C1orf159: variants seen among roughly 807,000 people sequenced by gnomAD.
C1orf159 encodes chromosome 1 open reading frame 159.
Under a neutral mutation model 25.6 loss-of-function variants are expected in C1orf159, and 19 were observed. That is an observed-to-expected ratio of 0.74 (90% confidence interval 0.52 to 1.09). The LOEUF (loss-of-function observed/expected upper bound fraction) is 1.09, where lower values mean the gene tolerates loss of function less well. Ranked by LOEUF, C1orf159 falls within the 50% of genes least tolerant of loss-of-function variation. The pLI, the probability that C1orf159 is intolerant of heterozygous loss-of-function variation, is 0.00. For missense variants in C1orf159, 274 were observed against 290.6 expected (o/e 0.94, Z 0.42); for synonymous variants, 139 against 124.7 (o/e 1.12, Z -0.77).
At chr1:1,102,360 TC>T (rs1462171322) in intron 1 of C1orf159, among the ~76,000 whole-genome samples, 1 of 150,906 alleles carries the variant, frequency 6.6e-6, no homozygotes, top group Non-Finnish European at 1.5e-5. Flanking sequence ...TGTTTTATTT[TC>T]CTCCAATCAC....
Position 1,082,799 on chromosome 1 carries a change from G to T in C1orf159, c.*94C>A. On this transcript the variant is annotated 3_prime_UTR_variant, in exon 10 of 10. Transcript: ENST00000421241. ...GGCTGTGCCCAGGACTGTCCCGGGCGCCGGGCGATGCCAACACTTTGTGCT... is the reference window on the plus strand; with the variant it reads ...GGCTGTGCCCAGGACTGTCCCGGGCTCCGGGCGATGCCAACACTTTGTGCT... 2 of 1,156,358 alleles carry T rather than the reference G, an allele frequency of 1.7e-6. No individual in the cohort carries two copies. The highest frequency in any genetic ancestry group is 2.5e-6 in the Non-Finnish European group (2 of 790,864). The allele number at this position is 1,156,358 out of a possible 1,614,324, so 71.6% of individuals were successfully genotyped here.
intron 1 of C1orf159, among the ~76,000 whole-genome samples, chr1:1,098,604 G>A (rs966807596): frequency 6.6e-6 from 1 of 152,062 alleles, no homozygotes; most frequent in Non-Finnish European, 1.5e-5. Flanking sequence ...TGTGCACTTA[G>A]GAGTATTGGC....
chr1:1,100,413 TTGTGCCTCCCCGC>T (rs1557431115), intron 1 of C1orf159, among the ~76,000 whole-genome samples: 1 of 152,068 alleles, frequency 6.6e-6, no homozygotes, highest in African/African-American at 2.4e-5. Context: ...GTACAAGGAG[TTGTGCCTCCCCGC>T]TGTGCCCACC....
chr1:1,086,761 AGT>A (rs1474657956), intron 6 of C1orf159, among the ~76,000 whole-genome samples: 2 of 151,934 alleles, frequency 1.3e-5, no homozygotes, highest in Non-Finnish European at 2.9e-5. Context: ...TGAACCTGAG[AGT>A]GTGTGGTGTC....
intron 1 of C1orf159, among the ~76,000 whole-genome samples, chr1:1,107,148 C>A (rs950690138): frequency 6.6e-6 from 1 of 152,264 alleles, no homozygotes; most frequent in Admixed American, 6.5e-5. Context: ...AGGAGTGTAG[C>A]GCACGGCACT....
In C1orf159 at chr1:1,082,429, G is replaced by T. The variant is rs1645756814; in HGVS notation, c.*464C>A. On this transcript the variant is annotated 3_prime_UTR_variant, in exon 10 of 10. Coordinates refer to ENST00000421241, the MANE Select transcript of C1orf159 (RefSeq NM_017891.5). Reference sequence around the variant, plus strand: ...CGGGCACCGGCTGGAACGGCACGAGGACCAGCCTCACTGTTCTCAGAGGGG... The same window carrying T: ...CGGGCACCGGCTGGAACGGCACGAGTACCAGCCTCACTGTTCTCAGAGGGG... The T allele has an allele frequency of 5.4e-6, 1 of 183,560 alleles. No homozygotes were observed. The highest frequency in any genetic ancestry group is 9.9e-5 in the South Asian group (1 of 10,144). 11.4% of individuals were successfully genotyped at this position (183,560 alleles called of 1,614,324 possible). A position where few individuals can be genotyped will look rare whatever the true frequency, so the allele number is the denominator to read the frequency against.
intron 4 of C1orf159, among the ~76,000 whole-genome samples, chr1:1,090,042 G>A (rs1165453153): frequency 2.0e-5 from 3 of 152,210 alleles, no homozygotes; most frequent in African/African-American, 4.8e-5. Flanking sequence ...GGACAGCCCC[G>A]TGAGAATGGC....
intron 1 of C1orf159, among the ~76,000 whole-genome samples, chr1:1,093,424 G>C (rs1197637854): frequency 1.3e-5 from 2 of 152,222 alleles, no homozygotes; most frequent in Non-Finnish European, 1.5e-5. Context: ...TACACAAGCG[G>C]GTGAGTGTGA....
chr1:1,095,654 A>C (rs940534708), intron 1 of C1orf159, among the ~76,000 whole-genome samples: 5 of 152,138 alleles, frequency 3.3e-5, no homozygotes, highest in Non-Finnish European at 2.9e-5. Context: ...TGTGACTTCA[A>C]TTTGCCTTTT....
Position 1,087,709 on chromosome 1 carries a change from A to G in C1orf159, c.149-112T>C. The G allele has an allele frequency of 1.2e-6, 1 of 823,524 alleles. No individual in the cohort carries two copies. Among genetic ancestry groups the G allele is most frequent in the Non-Finnish European group, 1.9e-6 (1 of 522,976 alleles). The allele number at this position is 823,524 out of a possible 1,614,324, so 51.0% of individuals were successfully genotyped here. On this transcript the variant is annotated intron_variant, in intron 4 of 9. Coordinates refer to ENST00000421241, the MANE Select transcript of C1orf159 (RefSeq NM_017891.5). This position sits in a 1 kb window ranked among gnomAD's most constrained non-coding sequence, Gnocchi z 8.3. ...TGAGATAACTTTCATTCCAGATACT[A>G]ACATGCTCTGGAGGGTAGGTGGGCG... is the stretch of plus-strand genomic sequence containing the variant.
In C1orf159 at chr1:1,086,125, C is replaced by T. The variant is rs1054729535; in HGVS notation, c.311-113G>A. 13 of 1,321,830 alleles carry T rather than the reference C, an allele frequency of 9.8e-6. No individual in the cohort carries two copies. In the African/African-American group the frequency reaches 1.9e-4, roughly 19 times the overall value. 81.9% of individuals were successfully genotyped at this position (1,321,830 alleles called of 1,614,324 possible). ...CGCTGCTCTCTGAACATGCCTGAGC[C>T]TCACGGGACCGGCTGTGGGTGCCGA... On this transcript the variant is annotated intron_variant, in intron 6 of 9. Coordinates refer to ENST00000421241, the MANE Select transcript of C1orf159 (RefSeq NM_017891.5).
Position 1,089,024 on chromosome 1 carries a change from C to T in C1orf159, c.148+1329G>A, listed in dbSNP as rs1645882419. On this transcript the variant is annotated intron_variant, in intron 4 of 9. Coordinates refer to ENST00000421241, the MANE Select transcript of C1orf159 (RefSeq NM_017891.5). This position sits in a 1 kb window ranked among gnomAD's most constrained non-coding sequence, Gnocchi z 7.5. ...AGTCTCTGCCCCGGAGGCCGAAGAA[C>T]GGAGTCCACGGCAGGGAGCCAAACA... Among the ~76,000 whole-genome samples, 1 of 152,242 alleles carries T rather than the reference C, an allele frequency of 6.6e-6. No homozygotes were observed. The highest frequency in any genetic ancestry group is 6.5e-5 in the Admixed American group (1 of 15,288).
At chr1:1,114,207 C>T (rs1646302562) in intron 1 of C1orf159, among the ~76,000 whole-genome samples, 2 of 152,138 alleles carry the variant, frequency 1.3e-5, no homozygotes, top group South Asian at 4.1e-4. Context: ...CAGGTGTGAG[C>T]CACCGCGCAC....
intron 4 of C1orf159, among the ~76,000 whole-genome samples, chr1:1,088,670 G>C (rs1218360423): frequency 1.3e-5 from 2 of 152,078 alleles, no homozygotes; most frequent in African/African-American, 4.8e-5. Context: ...ACTCAGCCCA[G>C]AGCTGAGTAG....
intron 1 of C1orf159, among the ~76,000 whole-genome samples, chr1:1,099,839 G>T (rs1646074922): frequency 6.6e-6 from 1 of 151,510 alleles, no homozygotes; most frequent in African/African-American, 2.4e-5. Flanking sequence ...GATGTTTTTG[G>T]TCTATTGTTC....
In C1orf159 at chr1:1,099,118, C is replaced by G. The variant is rs182887483; in HGVS notation, c.-135-7015G>C. ...GAGAGAGAGAGGTTAAAATCTCTGA[C>G]GATGATTGTGGATTGTCTATTGATG... On this transcript the variant is annotated intron_variant, in intron 1 of 9. Transcript: ENST00000421241. Among the ~76,000 whole-genome samples, 486 of 151,240 alleles carry G rather than the reference C, an allele frequency of 3.2e-3. 19 individuals carry two copies. The highest frequency in any genetic ancestry group is 2.5e-3 in the Non-Finnish European group (171 of 67,846).
rs578123863 is a variant in C1orf159 at position 1,092,095 on chromosome 1, G to A, written c.-127C>T. ...GGCTCAGCTGAGCCCTGCAGACCCC[G>A]GCCCAGTCCTGCAGATGAAGACAGC... On this transcript the variant is annotated 5_prime_UTR_variant, in exon 2 of 10. Transcript: ENST00000421241. 39 of 429,052 alleles carry A rather than the reference G, an allele frequency of 9.1e-5. No individual in the cohort carries two copies. Among genetic ancestry groups the A allele is most frequent in the East Asian group, 7.1e-4 (10 of 14,078 alleles). The allele number at this position is 429,052 out of a possible 1,614,324, so 26.6% of individuals were successfully genotyped here.
intron 1 of C1orf159, chr1:1,106,759 G>T (rs1646176728): frequency 6.5e-6 from 1 of 153,386 alleles, no homozygotes; most frequent in African/African-American, 2.4e-5. Context: ...GCCGGAGCCG[G>T]CTCCCTCTGC....
intron 6 of C1orf159, among the ~76,000 whole-genome samples, chr1:1,086,829 C>T (rs1362388707): frequency 6.6e-6 from 1 of 151,982 alleles, no homozygotes; most frequent in East Asian, 1.9e-4. Flanking sequence ...GCGGTGTGGC[C>T]GTGAGCCATG....
Sources: gnomAD v4.1 joint callset for allele counts (sites outside exome capture counted in the v4.1 genomes callset) on GRCh38, gnomAD v4.1.1 for gene constraint, Gnocchi (gnomAD v3.1) non-coding constraint, MANE v1.5 for transcripts, NCBI Gene and HGNC (gene_info 2026-07-23, HGNC 2026-07-21) for gene names.